The following CDK17 variants were observed in gnomAD, a reference collection of about 807,000 sequenced individuals.
CDK17 encodes the protein cyclin dependent kinase 17, also known as cyclin-dependent kinase 17.
Under a neutral mutation model 77.6 loss-of-function variants are expected in CDK17, and 24 were observed. The observed-to-expected ratio is 0.31, with a 90% CI of 0.22 to 0.44. CDK17 has a LOEUF of 0.44. CDK17 is among the 20% of genes least tolerant of loss of function. The pLI is 1.00. For synonymous variants in CDK17, 203 were observed against 210.4 expected, an observed-to-expected ratio of 0.96 and a Z score of 0.30; for missense variants, 429 against 622.5, an observed-to-expected ratio of 0.69 and a Z score of 3.31.
intron 1 of CDK17, among the ~76,000 whole-genome samples, chr12:96,394,702 C>T (rs1439619783): frequency 1.3e-5 from 2 of 150,638 alleles, no homozygotes; most frequent in African/African-American, 2.4e-5. Context: ...CCTGTGGTCC[C>T]AGCTACTCCG....
Position 96,286,780 on chromosome 12 carries a change from A to G in CDK17, c.1119-19T>C. On this transcript the variant is annotated intron_variant, in intron 11 of 16. Coordinates refer to ENST00000261211, the MANE Select transcript of CDK17 (RefSeq NM_002595.5). ...AACACCCCTTTAAAATAGATCATGA[A>G]AATAATTTAGCAATTCATTTACATA... 1.2e-5 allele frequency: 18 copies of G among 1,564,156 alleles called. No individual in the cohort carries two copies. The highest frequency in any genetic ancestry group is 1.6e-5 in the Non-Finnish European group (18 of 1,138,446).
At chr12:96,317,966 A>C (rs905870581) in intron 3 of CDK17, among the ~76,000 whole-genome samples, 9 of 151,662 alleles carry the variant, frequency 5.9e-5, no homozygotes, top group African/African-American at 2.2e-4. Context: ...TTTAAATGTA[A>C]ATGGACTAAA....
At chr12:96,288,850 CTCT>C (rs1185765907) in intron 11 of CDK17, among the ~76,000 whole-genome samples, 1 of 152,142 alleles carries the variant, frequency 6.6e-6, no homozygotes, top group African/African-American at 2.4e-5. Flanking sequence ...TCATAAAGCA[CTCT>C]TCTGAGTGTT....
At chr12:96,316,906 T>C (rs1952736704) in intron 3 of CDK17, among the ~76,000 whole-genome samples, 1 of 150,700 alleles carries the variant, frequency 6.6e-6, no homozygotes, top group African/African-American at 2.4e-5. Context: ...GTGCCTCTCC[T>C]CCTCCAAAGG....
intron 1 of CDK17, among the ~76,000 whole-genome samples, chr12:96,362,999 T>C (rs10507071): frequency 0.87 from 131,815 of 152,158 alleles, 57,066 homozygotes; most frequent in African/African-American, 0.87. Flanking sequence ...ACACATTTAT[T>C]AAGAATTCAT....
chr12:96,307,033 C>T (rs927659639), intron 5 of CDK17, among the ~76,000 whole-genome samples: 10 of 152,060 alleles, frequency 6.6e-5, no homozygotes, highest in Non-Finnish European at 1.2e-4. Flanking sequence ...CAGGGGCTCA[C>T]GCCTGTAATC....
intron 1 of CDK17, among the ~76,000 whole-genome samples, chr12:96,380,521 C>T (rs1036980384): frequency 1.3e-5 from 2 of 151,982 alleles, no homozygotes; most frequent in African/African-American, 2.4e-5. Flanking sequence ...GAACTCCTGA[C>T]CTCGTGATCC....
chr12:96,282,071 G>A (rs1952185692), intron 15 of CDK17: 1 of 153,866 alleles, frequency 6.5e-6, no homozygotes. Flanking sequence ...AAGTCAGTGT[G>A]ACCACAATAA....
intron 3 of CDK17, among the ~76,000 whole-genome samples, chr12:96,314,266 T>A (rs1406827421): frequency 1.3e-5 from 2 of 152,222 alleles, no homozygotes; most frequent in Admixed American, 6.5e-5. Context: ...GACACAACCA[T>A]GGCTCACTGC....
rs1293823820 is a variant in CDK17 at position 96,279,445 on chromosome 12, A to C, written c.*797T>G. The stretch of plus-strand genomic sequence containing the variant: ...GACTTCTACGGTTAAGTTTTAACTA[A>C]ATTTAAAACACAATGTAAAATAGGT... On this transcript the variant is annotated 3_prime_UTR_variant, in exon 17 of 17. Coordinates refer to ENST00000261211, the MANE Select transcript of CDK17 (RefSeq NM_002595.5). The C allele has an allele frequency of 1.3e-5, 2 of 152,242 alleles. No homozygotes were observed. The highest frequency in any genetic ancestry group is 4.8e-5 in the African/African-American group (2 of 41,468). 9.4% of individuals were successfully genotyped at this position (152,242 alleles called of 1,614,324 possible).
intron 2 of CDK17, among the ~76,000 whole-genome samples, chr12:96,327,065 C>T (rs769690281): frequency 2.0e-5 from 3 of 152,060 alleles, no homozygotes; most frequent in Non-Finnish European, 4.4e-5. Context: ...TGAAACAGTT[C>T]TTAATCTTGA....
At chr12:96,370,289 C>A (rs2137206607) in intron 1 of CDK17, among the ~76,000 whole-genome samples, 1 of 152,256 alleles carries the variant, frequency 6.6e-6, no homozygotes, top group South Asian at 2.1e-4. Context: ...ATTACTCTAC[C>A]CATTTTACAA....
chr12:96,298,987 TA>T lies in CDK17; in HGVS notation c.601-5del. 7.2e-7 allele frequency: 1 copy of T among 1,380,662 alleles called. No individual in the cohort carries two copies. The highest frequency in any genetic ancestry group is 1.0e-6 in the Non-Finnish European group (1 of 979,162). The allele number at this position is 1,380,662 out of a possible 1,614,324, so 85.5% of individuals were successfully genotyped here. On this transcript the variant is annotated splice_polypyrimidine_tract_variant and splice_region_variant and intron_variant, in intron 6 of 16. Transcript: ENST00000261211. Reference sequence around the variant, plus strand: ...TATATACTGTTGCATATGTACCCTATAAAATATATTTTTAAAGGACGCATCA... The same window carrying T: ...TATATACTGTTGCATATGTACCCTATAAATATATTTTTAAAGGACGCATCA...
chr12:96,364,255 C>T (rs926169256), intron 1 of CDK17, among the ~76,000 whole-genome samples: 1 of 152,146 alleles, frequency 6.6e-6, no homozygotes, highest in Non-Finnish European at 1.5e-5. Context: ...CAAATGTCTT[C>T]CTTTCTGTTG....
chr12:96,386,284 C>A (rs1565846801), intron 1 of CDK17, among the ~76,000 whole-genome samples: 1 of 152,218 alleles, frequency 6.6e-6, no homozygotes, highest in Non-Finnish European at 1.5e-5. Flanking sequence ...ACGTGAGCCA[C>A]TGCACCCAGG....
chr12:96,367,120 G>A (rs904862125), intron 1 of CDK17, among the ~76,000 whole-genome samples: 4 of 151,758 alleles, frequency 2.6e-5, no homozygotes, highest in Non-Finnish European at 5.9e-5. Flanking sequence ...CGAGGCGGGC[G>A]GATCATGAGG....
intron 1 of CDK17, among the ~76,000 whole-genome samples, chr12:96,339,967 T>G (rs1186835327): frequency 6.6e-6 from 1 of 152,020 alleles, no homozygotes; most frequent in South Asian, 2.1e-4. Context: ...TTGAAAAATA[T>G]TTTAGATGTT....
intron 3 of CDK17, among the ~76,000 whole-genome samples, 188 bp from the exon 4 acceptor site, chr12:96,313,642 A>G (rs999696231): frequency 6.6e-6 from 1 of 152,196 alleles, no homozygotes; most frequent in Non-Finnish European, 1.5e-5. Context: ...AATAGTATGA[A>G]ATCTTTTTAC....
intron 1 of CDK17, among the ~76,000 whole-genome samples, chr12:96,385,085 G>A (rs1426642021): frequency 2.6e-5 from 4 of 151,498 alleles, no homozygotes; most frequent in Middle Eastern, 3.2e-3. Context: ...AGGCCTAGGC[G>A]GGCAGATCAT....
Sources: allele counts gnomAD v4.1 joint callset (sites outside exome capture counted in the v4.1 genomes callset), GRCh38; gene constraint gnomAD v4.1.1; transcripts MANE v1.5; gene names NCBI Gene and HGNC (gene_info 2026-07-23, HGNC 2026-07-21).